CCDC18: variants seen among roughly 807,000 people sequenced by gnomAD.
CCDC18 encodes coiled-coil domain-containing protein 18.
Under a neutral mutation model 196.0 loss-of-function variants are expected in CCDC18, and 157 were observed. That is an observed-to-expected ratio of 0.80 (90% CI 0.70 to 0.91). CCDC18 has a LOEUF of 0.91. Ranked by LOEUF, CCDC18 falls within the 40% of genes least tolerant of loss-of-function variation. CCDC18 has a pLI of 0.00. For missense variants in CCDC18, 1,465 were observed against 1,611.6 expected, an observed-to-expected ratio of 0.91 and a Z score of 1.56; for synonymous variants, 482 against 529.2, an observed-to-expected ratio of 0.91 and a Z score of 1.22.
At chr1:93,261,343 ATATT>A (rs1251035977) in intron 26 of CCDC18, among the ~76,000 whole-genome samples, 1 of 152,120 alleles carries the variant, frequency 6.6e-6, no homozygotes, top group Non-Finnish European at 1.5e-5. Context: ...ATACATCCTC[ATATT>A]TATTTTTGAA....
chr1:93,226,212 C>T (rs1658260038), intron 16 of CCDC18, 121 bp from the exon 17 acceptor site: 1 of 466,516 alleles, frequency 2.1e-6, no homozygotes, highest in East Asian at 3.4e-5. Context: ...CATTTTATAT[C>T]CTAAGTAGGA....
In CCDC18 at chr1:93,214,901, C is replaced by A; in HGVS notation, c.1654C>A (p.Gln552Lys). The change falls in exon 12 of 29, where the codon CAG becomes AAG. Residue 552 changes from glutamine to lysine, a missense_variant. Coordinates refer to ENST00000690025, the MANE Select transcript of CCDC18 (RefSeq NM_001378204.1). ...GGTTAACATGGCTCACAGAACTAGT[C>A]AGTTTCAGCTGATTCAAGAGGAGCT... is the stretch of plus-strand genomic sequence containing the variant. ...LKVNMAHRTSQFQLIQEELLE... is the reference protein window; with the variant it reads ...LKVNMAHRTSKFQLIQEELLE... The A allele has an allele frequency of 1.2e-6, 2 of 1,612,750 alleles. No homozygotes were observed. The highest frequency in any genetic ancestry group is 2.2e-5 in the South Asian group (2 of 90,868).
At chr1:93,185,222 A>T (rs1040933597) in intron 3 of CCDC18, among the ~76,000 whole-genome samples, 1 of 151,920 alleles carries the variant, frequency 6.6e-6, no homozygotes, top group African/African-American at 2.4e-5. Flanking sequence ...CAAATGTTTG[A>T]GGTGTTATTT....
intron 6 of CCDC18, among the ~76,000 whole-genome samples, chr1:93,197,505 AATATATGTGTGTGTGTGTGTACAT>A (rs1652925991): frequency 6.6e-6 from 1 of 151,954 alleles, no homozygotes; most frequent in East Asian, 1.9e-4. Context: ...AACCTGAATA[AATATATGTGTGTGTGTGTGTACAT>A]ATATATGTGT....
At chr1:93,276,050 T>C (rs2101588093) in intron 28 of CCDC18, among the ~76,000 whole-genome samples, 1 of 152,274 alleles carries the variant, frequency 6.6e-6, no homozygotes. Flanking sequence ...TTTAAAGCAG[T>C]GGTAGGGCCA....
At chr1:93,226,519 G>A in intron 17 of CCDC18, 70 bp downstream of exon 17, 1 of 529,340 alleles carries the variant, frequency 1.9e-6, no homozygotes, top group Admixed American at 3.3e-5. Flanking sequence ...TGAGATGTAG[G>A]ACAAAATATA....
At chr1:93,199,342 C>T (rs150991185) in intron 6 of CCDC18, among the ~76,000 whole-genome samples, 93 of 152,300 alleles carry the variant, frequency 6.1e-4, no homozygotes, top group Middle Eastern at 3.4e-3. Flanking sequence ...CAGCTCCAGG[C>T]GCCAGCACGG....
chr1:93,186,333 T>A lies in CCDC18; in HGVS notation c.304-12T>A. On this transcript the variant is annotated splice_polypyrimidine_tract_variant and intron_variant, in intron 3 of 28. Transcript: ENST00000690025. ...TAATTGAAAATATATTTGTTCTTTT[T>A]CATTCTTTCAGATGTTTTCATCTTC... is the stretch of plus-strand genomic sequence containing the variant. 1 of 1,604,932 alleles carries A rather than the reference T, an allele frequency of 6.2e-7. No homozygotes were observed. Among genetic ancestry groups the A allele is most frequent in the Non-Finnish European group, 8.5e-7 (1 of 1,175,412 alleles).
chr1:93,232,693 A>T (rs994631443), intron 18 of CCDC18, 100 bp downstream of exon 18: 4 of 908,976 alleles, frequency 4.4e-6, no homozygotes, highest in Non-Finnish European at 6.6e-6. Context: ...CTGTTTGGCC[A>T]GATGCCGTGG....
Position 93,205,039 on chromosome 1 carries a change from C to T in CCDC18, c.796-471C>T, listed in dbSNP as rs992445748. ...ATTGCAAACAATGCTCAGCAAAGCC[C>T]TATAGTTAGGTGGATGTAACAGGGT... On this transcript the variant is annotated intron_variant, in intron 7 of 28. Coordinates refer to ENST00000690025, the MANE Select transcript of CCDC18 (RefSeq NM_001378204.1). Among the ~76,000 whole-genome samples, 4 of 151,922 alleles carry T rather than the reference C, an allele frequency of 2.6e-5. No individual in the cohort carries two copies. The East Asian group carries it at 7.7e-4, about 29-fold the overall frequency.
At chr1:93,252,457 TTTTG>T (rs1432366913) in intron 23 of CCDC18, among the ~76,000 whole-genome samples, 7 of 152,284 alleles carry the variant, frequency 4.6e-5, no homozygotes, top group East Asian at 3.9e-4. Context: ...GCTCCAAAAT[TTTTG>T]TTTGATTTTT....
intron 27 of CCDC18, 105 bp downstream of exon 27, chr1:93,265,006 G>A (rs1664311364): frequency 4.2e-6 from 3 of 719,352 alleles, no homozygotes; most frequent in Non-Finnish European, 7.1e-6. Flanking sequence ...CCAAATATTG[G>A]CCTGTTTGAA....
chr1:93,254,381 G>C (rs2101058774), intron 23 of CCDC18, 90 bp from the exon 24 acceptor site: 1 of 946,012 alleles, frequency 1.1e-6, no homozygotes, highest in Non-Finnish European at 1.6e-6. Flanking sequence ...TTAGATATGA[G>C]TGTTTAAAGC....
At position 93,209,062 on chromosome 1, in the gene CCDC18, G is replaced by A. The variant is rs1453500932; in HGVS notation, c.1209+1664G>A. Among the ~76,000 whole-genome samples the A allele has an allele frequency of 4.6e-5, 7 of 152,092 alleles. No homozygotes were observed. The South Asian group carries it at 1.0e-3, about 23-fold the overall frequency. On this transcript the variant is annotated intron_variant, in intron 9 of 28. Transcript: ENST00000690025. The stretch of plus-strand genomic sequence containing the variant: ...CAACCTCAGCCTCCTGGGTTCAAGC[G>A]ATTCTCCTGCCTCAGCCTCCTGAGT...
chr1:93,267,436 G>C (rs931304881), intron 27 of CCDC18, among the ~76,000 whole-genome samples: 5 of 152,116 alleles, frequency 3.3e-5, no homozygotes, highest in African/African-American at 9.7e-5. Context: ...TGGAAGTTCT[G>C]GCCAGGGCAA....
rs1665108740 is a variant in CCDC18, at chr1:93,270,265, C to G, written c.3886-82C>G. On this transcript the variant is annotated intron_variant, in intron 27 of 28. Transcript: ENST00000690025. Reference sequence around the variant, plus strand: ...CTATAGTGGGACAAAGGTTGACTTTCTAAAAGTCTATGATTTTCTAAGGAG... The same window carrying G: ...CTATAGTGGGACAAAGGTTGACTTTGTAAAAGTCTATGATTTTCTAAGGAG... 4 of 783,998 alleles carry G rather than the reference C, an allele frequency of 5.1e-6. No homozygotes were observed. In the Admixed American group the frequency reaches 1.2e-4, roughly 23 times the overall value. The allele number at this position is 783,998 out of a possible 1,614,324, so 48.6% of individuals were successfully genotyped here. A position where few individuals can be genotyped will look rare whatever the true frequency, so the allele number is the denominator to read the frequency against.
intron 28 of CCDC18, chr1:93,271,558 G>GCA: frequency 2.0e-6 from 2 of 983,950 alleles, no homozygotes; most frequent in Non-Finnish European, 2.4e-6. Flanking sequence ...CTCTAAGCTG[G>GCA]GTGCAGTGGC....
intron 9 of CCDC18, among the ~76,000 whole-genome samples, chr1:93,208,048 T>G (rs1654989187): frequency 6.6e-6 from 1 of 152,190 alleles, no homozygotes. Context: ...TTGTTTCCAC[T>G]TTGGGATATT....
At chr1:93,205,946 C>T (rs368308998) in intron 8 of CCDC18, among the ~76,000 whole-genome samples, 4 of 151,858 alleles carry the variant, frequency 2.6e-5, no homozygotes, top group Admixed American at 6.6e-5. Context: ...GTATAATATC[C>T]GATGTTCTAA....
Sources: gnomAD v4.1 joint callset for allele counts (sites outside exome capture counted in the v4.1 genomes callset) on GRCh38, gnomAD v4.1.1 for gene constraint, MANE v1.5 for transcripts, NCBI Gene and HGNC (gene_info 2026-07-23, HGNC 2026-07-21) for gene names.